TTC23: variants seen among roughly 807,000 people sequenced by gnomAD.
TTC23 encodes tetratricopeptide repeat protein 23.
In TTC23, 58 loss-of-function variants were observed where a neutral mutation model predicts 55.1. That is an observed-to-expected ratio of 1.05 (90% CI 0.85 to 1.31). TTC23 has a LOEUF of 1.31. Ranked by LOEUF, TTC23 falls within the 50% of genes most tolerant of loss-of-function variation. The pLI is 0.00. For missense variants in TTC23, 516 were observed against 534.4 expected (o/e 0.97, Z 0.34); for synonymous variants, 203 against 199.9 (o/e 1.02, Z -0.13).
At chr15:99,215,393 A>C (rs1345688593) in intron 8 of TTC23, among the ~76,000 whole-genome samples, 1 of 152,194 alleles carries the variant, frequency 6.6e-6, no homozygotes, top group Middle Eastern at 3.2e-3. Flanking sequence ...ATTTACAATT[A>C]GATTCTAATA....
intron 8 of TTC23, among the ~76,000 whole-genome samples, chr15:99,204,694 G>A (rs559948917): frequency 1.6e-4 from 22 of 135,880 alleles, no homozygotes; most frequent in African/African-American, 6.2e-4. Flanking sequence ...GGAGTGCAGT[G>A]GTGTGATCAT....
At chr15:99,200,697 A>G (rs1327698819) in intron 8 of TTC23, among the ~76,000 whole-genome samples, 1 of 152,186 alleles carries the variant, frequency 6.6e-6, no homozygotes, top group African/African-American at 2.4e-5. Context: ...ATACACACAT[A>G]CAATTTTGCG....
intron 5 of TTC23, among the ~76,000 whole-genome samples, 153 bp from the exon 6 acceptor site, chr15:99,222,017 C>T (rs879824408): frequency 2.6e-5 from 4 of 152,028 alleles, no homozygotes; most frequent in Admixed American, 2.0e-4. Flanking sequence ...GAGAACAAAA[C>T]AGACAAAGAT....
At chr15:99,148,286 G>A (rs888656340) in intron 12 of TTC23, among the ~76,000 whole-genome samples, 1 of 145,898 alleles carries the variant, frequency 6.9e-6, no homozygotes, top group Non-Finnish European at 1.5e-5. Flanking sequence ...GCTTGAACCC[G>A]GGAGGTGGAG....
At chr15:99,161,918 T>G (rs753215179) in intron 10 of TTC23, 51 bp from the exon 11 acceptor site, 1 of 1,550,952 alleles carries the variant, frequency 6.4e-7, no homozygotes, top group Non-Finnish European at 8.7e-7. Flanking sequence ...AGATTTGAAA[T>G]GGAAACAGAA....
intron 9 of TTC23, among the ~76,000 whole-genome samples, chr15:99,187,188 C>A (rs1303259464): frequency 6.6e-6 from 1 of 151,560 alleles, no homozygotes. Context: ...TGACATGGGT[C>A]CCAAAATAAT....
chr15:99,208,347 A>G (rs926091737), intron 8 of TTC23, among the ~76,000 whole-genome samples: 1 of 152,176 alleles, frequency 6.6e-6, no homozygotes, highest in Non-Finnish European at 1.5e-5. Context: ...TCAGCATAAT[A>G]ATTGCCTATA....
Position 99,156,197 on chromosome 15 carries a change from G to A in TTC23, c.1094C>T (p.Ala365Val). The stretch of plus-strand genomic sequence containing the variant: ...ACTGTGGTTCCCCTGCGCCAGGTCT[G>A]CTCCTCCCAGGAGCCGGTATGTCTC... ...VAETYRLLGG[A>V]DLAQGNHSGA... is the part of the protein sequence containing the mutation. The change falls in exon 12 of 14, where the codon GCA becomes GTA. Residue 365 changes from alanine to valine, a missense_variant. Ala to Val is a moderately conservative substitution (Grantham distance 64). Coordinates refer to ENST00000394132, the MANE Select transcript of TTC23 (RefSeq NM_001288615.3). 1 of 1,614,214 alleles carries A rather than the reference G, an allele frequency of 6.2e-7. No individual in the cohort carries two copies. Among genetic ancestry groups the A allele is most frequent in the Non-Finnish European group, 8.5e-7 (1 of 1,180,036 alleles).
intron 5 of TTC23, among the ~76,000 whole-genome samples, chr15:99,222,415 C>CA (rs1251559410): frequency 3.4e-4 from 52 of 152,226 alleles, no homozygotes; most frequent in African/African-American, 1.1e-3. Context: ...CAGCTGGGAC[C>CA]ACAGGTGTGC....
At chr15:99,246,048 G>A (rs1366854909) in intron 1 of TTC23, among the ~76,000 whole-genome samples, 1 of 152,026 alleles carries the variant, frequency 6.6e-6, no homozygotes, top group African/African-American at 2.4e-5. Context: ...GACCTGAGGT[G>A]ATCCACCCGA....
intron 3 of TTC23, among the ~76,000 whole-genome samples, chr15:99,239,923 G>A (rs1176541531): frequency 1.3e-5 from 2 of 152,096 alleles, no homozygotes; most frequent in Admixed American, 6.5e-5. Context: ...AAATAAAGAC[G>A]ATGAAATGAA....
chr15:99,250,812 G>C (rs555094908), upstream of TTC23, among the ~76,000 whole-genome samples: 1 of 152,174 alleles, frequency 6.6e-6, no homozygotes, highest in African/African-American at 2.4e-5. Context: ...CAGAGACTAG[G>C]TTACGTCCTC....
At chr15:99,205,143 T>C (rs2076519984) in intron 8 of TTC23, among the ~76,000 whole-genome samples, 1 of 152,278 alleles carries the variant, frequency 6.6e-6, no homozygotes, top group African/African-American at 2.4e-5. Flanking sequence ...TTCTATTCTG[T>C]TCCATTGGTC....
intron 3 of TTC23, among the ~76,000 whole-genome samples, chr15:99,237,072 C>G (rs1315725428): frequency 1.3e-5 from 2 of 151,528 alleles, no homozygotes; most frequent in Non-Finnish European, 2.9e-5. Flanking sequence ...ACCTTCGCCT[C>G]CTGGGTTCAA....
chr15:99,161,628 TG>T (rs750591815), intron 11 of TTC23, 111 bp downstream of exon 11: 2 of 1,244,876 alleles, frequency 1.6e-6, no homozygotes, highest in Non-Finnish European at 1.1e-6. Flanking sequence ...CTCTAGAGAC[TG>T]GCACATGCTT....
At position 99,137,847 on chromosome 15, in the gene TTC23, C is replaced by A; in HGVS notation, c.*163G>T. 3 of 1,127,224 alleles carry A rather than the reference C, an allele frequency of 2.7e-6. No individual in the cohort carries two copies. In the South Asian group the frequency reaches 5.0e-5, roughly 19 times the overall value. 69.8% of individuals were successfully genotyped at this position (1,127,224 alleles called of 1,614,324 possible). On this transcript the variant is annotated 3_prime_UTR_variant, in exon 14 of 14. Transcript: ENST00000394132. ...AGGGCATCCACTGTCAAAATGTGGC[C>A]CACGGGAGGCTTATGGTCTCACTGT...
In TTC23 at chr15:99,221,611, G is replaced by T. The variant is rs2077934869; in HGVS notation, c.304+130C>A. ...ATACCTTATCAACTCTTTCTAAAAA[G>T]AAATGGCTTCTTGGTATTTAGAAAG... On this transcript the variant is annotated intron_variant, in intron 6 of 13. Transcript: ENST00000394132. 3.3e-6 allele frequency: 4 copies of T among 1,195,388 alleles called. No individual in the cohort carries two copies. In the South Asian group the frequency reaches 6.5e-5, roughly 19 times the overall value. The allele number at this position is 1,195,388 out of a possible 1,614,324, so 74.0% of individuals were successfully genotyped here. A position where few individuals can be genotyped will look rare whatever the true frequency, so the allele number is the denominator to read the frequency against.
intron 8 of TTC23, among the ~76,000 whole-genome samples, chr15:99,215,452 G>A (rs2077400507): frequency 6.6e-6 from 1 of 152,102 alleles, no homozygotes; most frequent in African/African-American, 2.4e-5. Context: ...AGAATAAAAA[G>A]AAGATAACAA....
In TTC23 at chr15:99,136,546, G is replaced by A. The variant is rs2067605360; in HGVS notation, c.*1464C>T. On this transcript the variant is annotated 3_prime_UTR_variant, in exon 14 of 14. Transcript: ENST00000394132. ...TCACTGTGTCCTCACATGGTGGAGA[G>A]AGAGATCATCTCTCTGGTGTCTCTC... 1 of 152,196 alleles carries A rather than the reference G, an allele frequency of 6.6e-6. No homozygotes were observed. The highest frequency in any genetic ancestry group is 2.1e-4 in the South Asian group (1 of 4,826). The allele number at this position is 152,196 out of a possible 1,614,324, so 9.4% of individuals were successfully genotyped here.
Sources: gnomAD v4.1 joint callset for allele counts (sites outside exome capture counted in the v4.1 genomes callset) on GRCh38, gnomAD v4.1.1 for gene constraint, MANE v1.5 for transcripts, NCBI Gene and HGNC (gene_info 2026-07-23, HGNC 2026-07-21) for gene names.